The following SELENOV variants were observed in gnomAD, a reference collection of about 807,000 sequenced individuals.
SELENOV encodes selenoprotein V.
A neutral mutation model predicts 21.6 loss-of-function variants in SELENOV; 25 were observed. That is an observed-to-expected ratio of 1.16 (90% confidence interval 0.84 to 1.62). The LOEUF (loss-of-function observed/expected upper bound fraction) is 1.62. SELENOV is among the 40% of genes most tolerant of loss of function. The pLI is 0.00. For missense variants in SELENOV, 472 were observed against 459.0 expected, an observed-to-expected ratio of 1.03 and a Z score of -0.26; for synonymous variants, 227 against 216.9, an observed-to-expected ratio of 1.05 and a Z score of -0.41.
intron 1 of SELENOV, 73 bp from the exon 2 acceptor site, chr19:39,518,535 G>A (rs1407386860): frequency 2.7e-6 from 4 of 1,471,202 alleles, no homozygotes; most frequent in Admixed American, 2.0e-5. Context: ...GGTGCCCTGA[G>A]CTGGGGAAGA....
At chr19:39,516,296 TG>T (rs1490873494) in intron 1 of SELENOV, 2 of 627,632 alleles carry the variant, frequency 3.2e-6, no homozygotes, top group South Asian at 3.0e-5. Flanking sequence ...GTGCTAGAGA[TG>T]GGGTGCTGAG....
Position 39,515,774 on chromosome 19 carries a change from G to A in SELENOV, c.562G>A (p.Ala188Thr), listed in dbSNP as rs1338626536. 45 of 1,548,912 alleles carry A rather than the reference G, an allele frequency of 2.9e-5. No homozygotes were observed. Among genetic ancestry groups the A allele is most frequent in the Non-Finnish European group, 3.7e-5 (42 of 1,146,170 alleles). Reference sequence around the variant, plus strand: ...GTCGGTCTCCAGCGAGGCCGGGCCCGCCCCGGGGCCCCTTCCCACGCGCAC... The same window carrying A: ...GTCGGTCTCCAGCGAGGCCGGGCCCACCCCGGGGCCCCTTCCCACGCGCAC... The change falls in exon 1 of 6, where the codon GCC (alanine) becomes ACC (threonine). Residue 188 changes from alanine (A) to threonine (T), a missense_variant. Physicochemically the swap from Ala to Thr is moderately conservative, Grantham distance 58. Coordinates refer to ENST00000335426, the Ensembl canonical transcript of SELENOV. This position sits in a 1 kb window ranked among gnomAD's most constrained non-coding sequence, Gnocchi z 5.1.
intron 1 of SELENOV, 128 bp from the exon 2 acceptor site, chr19:39,518,480 G>C: frequency 1.1e-6 from 1 of 943,532 alleles, no homozygotes; most frequent in Non-Finnish European, 1.7e-6. Flanking sequence ...ACTACTTCGG[G>C]ATTCTGAACA....
At position 39,515,801 on chromosome 19, in the gene SELENOV, C is replaced by T. The variant is rs1478241785; in HGVS notation, c.589C>T (p.Pro197Ser). 1 of 1,549,810 alleles carries T rather than the reference C, an allele frequency of 6.5e-7. No homozygotes were observed. Among genetic ancestry groups the T allele is most frequent in the Non-Finnish European group, 8.7e-7 (1 of 1,146,466 alleles). Residue 197 changes from proline (P) to serine (S), a missense_variant, in exon 1 of 6, where the codon CCG becomes TCG. Physicochemically the swap from Pro to Ser is moderately conservative, Grantham distance 74. Coordinates refer to ENST00000335426, the Ensembl canonical transcript of SELENOV. The surrounding 1 kb of genome is among the most constrained non-coding windows in gnomAD (Gnocchi z 5.1). ...CCCGGGGCCCCTTCCCACGCGCACC[C>T]CGCTGGCCGCGAACTCACCCGGGCC...
chr19:39,518,516 T>G (rs2079711239), intron 1 of SELENOV, 92 bp from the exon 2 acceptor site: 1 of 1,207,730 alleles, frequency 8.3e-7, no homozygotes, highest in Admixed American at 2.0e-5. Context: ...CTAACTCAGG[T>G]GTTCATAGGG....
chr19:39,517,443 T>C (rs1314437035), intron 1 of SELENOV, among the ~76,000 whole-genome samples: 1 of 152,030 alleles, frequency 6.6e-6, no homozygotes, highest in Admixed American at 6.6e-5. Context: ...TAATATGACC[T>C]GTAGAAAATG....
intron 1 of SELENOV, among the ~76,000 whole-genome samples, chr19:39,518,170 C>T (rs2079707858): frequency 6.6e-6 from 1 of 150,678 alleles, no homozygotes; most frequent in African/African-American, 2.4e-5. Flanking sequence ...ACTAGGGAGG[C>T]TGAGGCAGGA....
At chr19:39,518,055 G>A (rs1010519070) in intron 1 of SELENOV, among the ~76,000 whole-genome samples, 6 of 149,044 alleles carry the variant, frequency 4.0e-5, no homozygotes, top group Non-Finnish European at 5.9e-5. Flanking sequence ...GGTGGATCAC[G>A]AGGTCAGGAA....
In SELENOV at chr19:39,515,403, C is replaced by T. The variant is rs1397815575; in HGVS notation, c.191C>T (p.Pro64Leu). 1.0e-5 allele frequency: 16 copies of T among 1,551,506 alleles called. No homozygotes were observed. The highest frequency in any genetic ancestry group is 1.4e-5 in the African/African-American group (1 of 73,014). The change falls in exon 1 of 6, where the codon CCT becomes CTT. Residue 64 changes from proline (P) to leucine (L), a missense_variant. Pro to Leu is a moderately conservative substitution (Grantham distance 98). Coordinates refer to ENST00000335426, the Ensembl canonical transcript of SELENOV. This position sits in a 1 kb window ranked among gnomAD's most constrained non-coding sequence, Gnocchi z 5.1. ...GGGACTTCCCCTCTGGTCCTGACTC[C>T]TGCTCCAGCCCAGATTCCCACTCTG...
chr19:39,515,283 C>A lies in SELENOV; in HGVS notation c.71C>A (p.Pro24Gln). The A allele has an allele frequency of 6.4e-7, 1 of 1,551,146 alleles. No individual in the cohort carries two copies. The highest frequency in any genetic ancestry group is 8.7e-7 in the Non-Finnish European group (1 of 1,146,896). Residue 24 changes from proline (P) to glutamine (Q), a missense_variant, in exon 1 of 6, where the codon CCG becomes CAG. Pro to Gln is a moderately conservative substitution (Grantham distance 76). Coordinates refer to ENST00000335426, the Ensembl canonical transcript of SELENOV. The surrounding 1 kb of genome is among the most constrained non-coding windows in gnomAD (Gnocchi z 5.1). ...TCAACCTCAGTCCGGGCTTCTACCCCGACCCGGACACCGACTCCACTCCGG... is the reference window on the plus strand; with the variant it reads ...TCAACCTCAGTCCGGGCTTCTACCCAGACCCGGACACCGACTCCACTCCGG...
rs1472604642 is a variant in SELENOV at position 39,515,556 on chromosome 19, C to T, written c.344C>T (p.Thr115Ile). 6.5e-7 allele frequency: 1 copy of T among 1,550,068 alleles called. No homozygotes were observed. Among genetic ancestry groups the T allele is most frequent in the Non-Finnish European group, 8.7e-7 (1 of 1,146,880 alleles). The change falls in exon 1 of 6, where the codon ACC becomes ATC. Residue 115 changes from threonine to isoleucine, a missense_variant. Physicochemically the swap from Thr to Ile is moderately conservative, Grantham distance 89. Coordinates refer to ENST00000335426, the Ensembl canonical transcript of SELENOV. This position sits in a 1 kb window ranked among gnomAD's most constrained non-coding sequence, Gnocchi z 5.1. Reference sequence around the variant, plus strand: ...ACTCCGGTCCCGACTCCGGCTCGGACCCTGACTCCTCCAGTCCGGGTCCCA... The same window carrying T: ...ACTCCGGTCCCGACTCCGGCTCGGATCCTGACTCCTCCAGTCCGGGTCCCA...
chr19:39,515,151 C>T lies in SELENOV; in HGVS notation c.-62C>T, dbSNP rs1373996822. 1.9e-6 allele frequency: 2 copies of T among 1,051,080 alleles called. No homozygotes were observed. The highest frequency in any genetic ancestry group is 2.8e-6 in the Non-Finnish European group (2 of 716,438). The allele number at this position is 1,051,080 out of a possible 1,614,324, so 65.1% of individuals were successfully genotyped here. On this transcript the variant is annotated 5_prime_UTR_variant, in exon 1 of 6. Transcript: ENST00000335426. This position sits in a 1 kb window ranked among gnomAD's most constrained non-coding sequence, Gnocchi z 5.1. ...AACCCGGTGCGGGAGACGCTCTCCC[C>T]GCCCAAAGAGGGAAGGCGGGCGGGA... is the stretch of plus-strand genomic sequence containing the variant.
In SELENOV at chr19:39,519,176, CG is replaced by C. The variant is rs2079716209; in HGVS notation, c.*22+7del. The C allele has an allele frequency of 6.2e-7, 1 of 1,603,972 alleles. No individual in the cohort carries two copies. The highest frequency in any genetic ancestry group is 1.1e-5 in the South Asian group (1 of 90,620). ...GGCAAGGGGTGGAGCTGGAGGTGAGCGTGGAGCTCCCAAGGCTGCGGTGGGA... is the reference window on the plus strand; with the variant it reads ...GGCAAGGGGTGGAGCTGGAGGTGAGCTGGAGCTCCCAAGGCTGCGGTGGGA... On this transcript the variant is annotated splice_region_variant and intron_variant, in intron 5 of 5. Transcript: ENST00000335426.
At position 39,518,596 on chromosome 19, in the gene SELENOV, C is replaced by G. The variant is rs1245848066; in HGVS notation, c.810-12C>G. On this transcript the variant is annotated splice_polypyrimidine_tract_variant and intron_variant, in intron 1 of 5. Transcript: ENST00000335426. Reference sequence around the variant, plus strand: ...TCTCTCTTAACTTTCTCCTCCTGCTCTTGGCCTCCAGTGGCCTCTGAAGCT... The same window carrying G: ...TCTCTCTTAACTTTCTCCTCCTGCTGTTGGCCTCCAGTGGCCTCTGAAGCT... 1.9e-6 allele frequency: 3 copies of G among 1,597,578 alleles called. No individual in the cohort carries two copies. The highest frequency in any genetic ancestry group is 1.7e-6 in the Non-Finnish European group (2 of 1,170,932).
At position 39,515,686 on chromosome 19, in the gene SELENOV, TC is replaced by T. The variant is rs1265271956; in HGVS notation, c.476del (p.Pro159ArgfsTer17). The T allele has an allele frequency of 3.2e-6, 5 of 1,548,946 alleles. 1 individual carries two copies. The South Asian group carries it at 5.9e-5, about 18-fold the overall frequency. On this transcript the variant is annotated frameshift_variant, in exon 1 of 6. Coordinates refer to ENST00000335426, the Ensembl canonical transcript of SELENOV. LOFTEE classifies it high-confidence loss of function. The surrounding 1 kb of genome is among the most constrained non-coding windows in gnomAD (Gnocchi z 5.1). ...CTTTGGATCCGCCCCCGGAACCTGCTCCGGAGCTGCCTTTGTTGCCCGAGGA... is the reference window on the plus strand; with the variant it reads ...CTTTGGATCCGCCCCCGGAACCTGCTCGGAGCTGCCTTTGTTGCCCGAGGA...
chr19:39,518,831 C>T (rs1275240544), intron 3 of SELENOV, 38 bp downstream of exon 3: 1 of 1,611,426 alleles, frequency 6.2e-7, no homozygotes, highest in Middle Eastern at 1.7e-4. Context: ...GGGGGGTGGT[C>T]AGGGATCTGA....
intron 1 of SELENOV, among the ~76,000 whole-genome samples, chr19:39,518,180 A>G (rs947763280): frequency 2.7e-5 from 4 of 150,436 alleles, no homozygotes; most frequent in African/African-American, 9.8e-5. Context: ...CTGAGGCAGG[A>G]GAATGGCGTG....
intron 1 of SELENOV, among the ~76,000 whole-genome samples, chr19:39,517,991 A>AAAAAAAAAAAAAAAG (rs374863818): frequency 0.021 from 1,972 of 91,924 alleles, 353 homozygotes; most frequent in East Asian, 0.036. Context: ...AAAAAAAAAA[A>AAAAAAAAAAAAAAAG]GCCCAGCGCG....
intron 1 of SELENOV, among the ~76,000 whole-genome samples, chr19:39,518,096 C>A (rs986439027): frequency 6.7e-6 from 1 of 149,828 alleles, no homozygotes; most frequent in Admixed American, 6.7e-5. Context: ...CATGGTGAAA[C>A]CCGGTCTCTA....
Sources: allele counts gnomAD v4.1 joint callset (sites outside exome capture counted in the v4.1 genomes callset), GRCh38; gene constraint gnomAD v4.1.1; non-coding constraint Gnocchi (gnomAD v3.1); transcripts MANE v1.5; gene names NCBI Gene and HGNC (gene_info 2026-07-23, HGNC 2026-07-21).